The following MTERF4 variants were observed in gnomAD, a reference collection of about 807,000 sequenced individuals.
The protein encoded by MTERF4 is mitochondrial transcription termination factor 4.
Under a neutral mutation model 22.5 loss-of-function variants are expected in MTERF4, and 17 were observed. The ratio of observed to expected loss-of-function variants is 0.75; its 90% confidence interval spans 0.52 to 1.13. The LOEUF (loss-of-function observed/expected upper bound fraction) is 1.13, where lower values mean the gene tolerates loss of function less well. Ranked by LOEUF, MTERF4 falls within the 50% of genes most tolerant of loss-of-function variation. The probability of loss-of-function intolerance (pLI) is 0.00; values close to 1 mark genes in which losing one functional copy is unlikely to be tolerated. For synonymous variants in MTERF4, 165 were observed against 175.3 expected (o/e 0.94, Z 0.47); for missense variants, 420 against 466.8 (o/e 0.90, Z 0.92).
At chr2:241,053,188 G>A in the MTERF4 span, 10 of 1,610,976 alleles carry the variant, frequency 6.2e-6, no homozygotes, top group Non-Finnish European at 8.5e-6. Flanking sequence ...GGTGAAGCAC[G>A]CCACACTGCG....
intron 4 of MTERF4, among the ~76,000 whole-genome samples, chr2:241,076,193 T>C (rs2063012220): frequency 6.6e-6 from 1 of 152,248 alleles, no homozygotes; most frequent in South Asian, 2.1e-4. Flanking sequence ...GAGATAATGA[T>C]GACTGGGTGT....
At chr2:241,048,788 C>A in the MTERF4 span, 770 of 1,557,290 alleles carry the variant, frequency 4.9e-4, 1 homozygote, top group African/African-American at 8.1e-3. Flanking sequence ...GGTCACCCTT[C>A]CTGCCCTGTC....
At chr2:241,100,892 A>G (rs546095514) in intron 1 of MTERF4, among the ~76,000 whole-genome samples, 63 of 152,292 alleles carry the variant, frequency 4.1e-4, no homozygotes, top group African/African-American at 1.5e-3. Context: ...CAAGGGTCAC[A>G]GTAATTAGTC....
chr2:241,088,039 C>G (rs963043686), downstream of MTERF4: 1 of 413,658 alleles, frequency 2.4e-6, no homozygotes, highest in Non-Finnish European at 4.3e-6. Flanking sequence ...AGCTCACCAG[C>G]CGTGCTGCTC....
At chr2:241,100,058 G>A (rs758617446) in intron 1 of MTERF4, 164 bp from the exon 2 acceptor site, 2 of 820,476 alleles carry the variant, frequency 2.4e-6, no homozygotes, top group Non-Finnish European at 3.7e-6. Context: ...TACAGAGAAG[G>A]AAGCTCACAA....
At chr2:241,062,900 G>A in the MTERF4 span, 20 of 1,596,332 alleles carry the variant, frequency 1.3e-5, no homozygotes, top group Middle Eastern at 1.7e-4. Context: ...CCCACTGTGA[G>A]CTGGGTAAGA....
the MTERF4 span, chr2:241,052,293 C>T: frequency 6.8e-7 from 1 of 1,472,426 alleles, no homozygotes; most frequent in Non-Finnish European, 9.4e-7. Context: ...GGCAGGATGC[C>T]CCACACAGTC....
downstream of MTERF4, chr2:241,068,081 A>G (rs560255963): frequency 1.4e-5 from 12 of 860,822 alleles, no homozygotes; most frequent in South Asian, 2.2e-4. The surrounding 1 kb of genome is among the most constrained non-coding windows in gnomAD (Gnocchi z 5.3). Flanking sequence ...GAGCGGAGAC[A>G]AAGGTCTCAG....
At chr2:241,063,219 G>A in the MTERF4 span, among the ~76,000 whole-genome samples, 1 of 152,340 alleles carries the variant, frequency 6.6e-6, no homozygotes, top group Middle Eastern at 3.4e-3. Context: ...AGGGAGGGGA[G>A]GCCTGCCCCA....
At chr2:241,062,994 T>C in the MTERF4 span, 2 of 817,678 alleles carry the variant, frequency 2.4e-6, no homozygotes, top group Non-Finnish European at 3.8e-6. Context: ...GGTCTCTGTC[T>C]GGATGGCCAG....
In MTERF4 at chr2:241,099,399, C is replaced by T. The variant is rs746743298; in HGVS notation, c.517G>A (p.Glu173Lys). 1.2e-5 allele frequency: 20 copies of T among 1,612,024 alleles called. No homozygotes were observed. The East Asian group carries it at 2.7e-4, about 22-fold the overall frequency. The part of the protein sequence containing the change: ...SSYLQKLGLG[E>K]GKLKRVLYCC... ...CAAAATCTGCAACTTCTTGTACCTT[C>T]TCCAAGCCCAAGCTTTTGCAGGTAA... is the stretch of plus-strand genomic sequence containing the variant. Residue 173 changes from glutamate (E) to lysine (K), a missense_variant, in exon 2 of 4, where the codon GAA becomes AAA. Coordinates refer to ENST00000391980, the MANE Select transcript of MTERF4 (RefSeq NM_182501.4).
the MTERF4 span, chr2:241,048,708 C>T: frequency 4.3e-6 from 7 of 1,612,794 alleles, no homozygotes; most frequent in South Asian, 5.5e-5. Flanking sequence ...GATGCCTGGG[C>T]GCCAACACCA....
chr2:241,076,811 G>A (rs2063042758), intron 4 of MTERF4, among the ~76,000 whole-genome samples: 1 of 152,112 alleles, frequency 6.6e-6, no homozygotes, highest in Non-Finnish European at 1.5e-5. Context: ...AGAGTCCAGG[G>A]CCGGGCGCAG....
downstream of MTERF4, among the ~76,000 whole-genome samples, chr2:241,067,329 G>T (rs1364516632): frequency 2.0e-5 from 3 of 152,220 alleles, no homozygotes; most frequent in African/African-American, 7.2e-5. Flanking sequence ...GTTGCTGGGA[G>T]TTCTGTATGT....
chr2:241,082,887 A>G (rs947598095), downstream of MTERF4, among the ~76,000 whole-genome samples: 1 of 152,176 alleles, frequency 6.6e-6, no homozygotes, highest in Non-Finnish European at 1.5e-5. Context: ...CATTTAGTCA[A>G]CAGATGACTT....
chr2:241,071,718 C>CCCCCGGGAA, downstream of MTERF4: 3 of 1,503,662 alleles, frequency 2.0e-6, no homozygotes, highest in Non-Finnish European at 2.7e-6. Flanking sequence ...CCCAGCCCCC[C>CCCCCGGGAA]AGGTACATGC....
downstream of MTERF4, chr2:241,067,804 G>C (rs778911371): frequency 6.2e-7 from 1 of 1,613,016 alleles, no homozygotes; most frequent in Non-Finnish European, 8.5e-7. Context: ...CCAATGTGAC[G>C]GCTAGCACCA....
chr2:241,053,851 G>A, the MTERF4 span, among the ~76,000 whole-genome samples: 1 of 152,206 alleles, frequency 6.6e-6, no homozygotes, highest in Non-Finnish European at 1.5e-5. Flanking sequence ...CGAAGCCCCT[G>A]GAGAAGTAGG....
At chr2:241,050,315 G>A in the MTERF4 span, among the ~76,000 whole-genome samples, 54 of 152,292 alleles carry the variant, frequency 3.5e-4, no homozygotes, top group African/African-American at 1.1e-3. Context: ...CTTGAGAATA[G>A]AAGTGTCCTT....
Sources: allele counts gnomAD v4.1 joint callset (sites outside exome capture counted in the v4.1 genomes callset), GRCh38; gene constraint gnomAD v4.1.1; non-coding constraint Gnocchi (gnomAD v3.1); transcripts MANE v1.5; gene names NCBI Gene and HGNC (gene_info 2026-07-23, HGNC 2026-07-21).